SIN3A: variants seen among roughly 807,000 people sequenced by gnomAD.
SIN3A encodes SIN3 transcription regulator family member A, also known as paired amphipathic helix protein Sin3a.
SIN3A carries 14 observed loss-of-function variants against 146.1 expected under a neutral mutation model. The ratio of observed to expected loss-of-function variants is 0.10; its 90% CI spans 0.06 to 0.15. SIN3A has a LOEUF of 0.15. Among genes scored for constraint, SIN3A ranks in the 10% least tolerant of loss-of-function variants. The probability of loss-of-function intolerance (pLI) is 1.00; values close to 1 mark genes in which losing one functional copy is unlikely to be tolerated. For missense variants in SIN3A, 1,028 were observed against 1,576.0 expected, an observed-to-expected ratio of 0.65 and a Z score of 5.89; for synonymous variants, 572 against 572.0, an observed-to-expected ratio of 1.00 and a Z score of 0.00.
intron 8 of SIN3A, 103 bp downstream of exon 8, chr15:75,409,733 A>C: frequency 7.4e-7 from 1 of 1,346,246 alleles, no homozygotes. Flanking sequence ...TCTCAAAAAA[A>C]CAAAAAAAAA....
At chr15:75,377,175 CAT>C (rs2141372803) in intron 19 of SIN3A, among the ~76,000 whole-genome samples, 1 of 152,302 alleles carries the variant, frequency 6.6e-6, no homozygotes, top group East Asian at 1.9e-4. Flanking sequence ...CTGAGCTTTT[CAT>C]ACAGTTGTCA....
At chr15:75,436,124 ACT>A (rs1409306650) in intron 1 of SIN3A, among the ~76,000 whole-genome samples, 8 of 146,442 alleles carry the variant, frequency 5.5e-5, no homozygotes, top group Non-Finnish European at 1.0e-4. Context: ...ACAGAGTGAG[ACT>A]CTGTCTCAAA....
chr15:75,432,897 C>T (rs1275113550), intron 1 of SIN3A, among the ~76,000 whole-genome samples: 1 of 151,882 alleles, frequency 6.6e-6, no homozygotes, highest in Non-Finnish European at 1.5e-5. Context: ...ACAAAATTAG[C>T]TGGGCATGAT....
chr15:75,411,017 T>C (rs944677080), intron 6 of SIN3A, among the ~76,000 whole-genome samples: 2 of 141,760 alleles, frequency 1.4e-5, no homozygotes, highest in African/African-American at 5.3e-5. Context: ...TGCAGGGCAA[T>C]CAAGTCAGGC....
At chr15:75,393,388 C>T (rs1048496095) in intron 14 of SIN3A, among the ~76,000 whole-genome samples, 1 of 151,892 alleles carries the variant, frequency 6.6e-6, no homozygotes, top group Non-Finnish European at 1.5e-5. Flanking sequence ...ATCTTTCTTT[C>T]TTTTTTTTGG....
At chr15:75,405,706 G>A (rs1457582812) in intron 9 of SIN3A, among the ~76,000 whole-genome samples, 1 of 152,084 alleles carries the variant, frequency 6.6e-6, no homozygotes, top group Non-Finnish European at 1.5e-5. Context: ...AGCCAAGATT[G>A]CGCCATTGCA....
chr15:75,396,399 A>C lies in SIN3A; in HGVS notation c.1952T>G (p.Phe651Cys). The C allele has an allele frequency of 6.2e-7, 1 of 1,614,106 alleles. No individual in the cohort carries two copies. The highest frequency in any genetic ancestry group is 8.5e-7 in the Non-Finnish European group (1 of 1,180,012). Residue 651 changes from phenylalanine (F) to cysteine (C), a missense_variant, in exon 13 of 21, where the codon TTT becomes TGT. This residue lies in a region of SIN3A where 157 missense variants were observed against 284.8 expected (regional missense o/e 0.55). Transcript: ENST00000394947. ...SRLSAEEQAKFRLDNTLGGTS... is the reference protein window; with the variant it reads ...SRLSAEEQAKCRLDNTLGGTS... ...GCCCCCAAGGGTGTTGTCCAAGCGAAATTTGGCTTGTTCTTCAGCAGACAA... is the reference window on the plus strand; with the variant it reads ...GCCCCCAAGGGTGTTGTCCAAGCGACATTTGGCTTGTTCTTCAGCAGACAA...
At position 75,401,872 on chromosome 15, in the gene SIN3A, T is replaced by C. The variant is rs1470726546; in HGVS notation, c.1506A>G (p.Gln502=). 2 of 1,611,024 alleles carry C rather than the reference T, an allele frequency of 1.2e-6. No individual in the cohort carries two copies. Among genetic ancestry groups the C allele is most frequent in the South Asian group, 2.2e-5 (2 of 91,010 alleles). The part of the protein sequence containing the change: ...QEVISRAELV[Q]LVSPFLGKFP... ...CTTACCCCAGGAAAGGAGAGACTAG[T>C]TGCACAAGCTCAGCACGAGAGATCA... Residue 502 remains glutamine, a synonymous_variant, in exon 10 of 21, where the codon CAA becomes CAG. Coordinates refer to ENST00000394947, the MANE Select transcript of SIN3A (RefSeq NM_001145358.2).
intron 11 of SIN3A, among the ~76,000 whole-genome samples, chr15:75,400,382 C>T (rs2073388274): frequency 6.6e-6 from 1 of 152,128 alleles, no homozygotes; most frequent in Admixed American, 6.5e-5. Context: ...GGAAGATCAC[C>T]TGAGCCCAGG....
At chr15:75,454,505 G>A (rs1258954252), upstream of SIN3A, among the ~76,000 whole-genome samples, 2 of 151,194 alleles carry the variant, frequency 1.3e-5, no homozygotes, top group Non-Finnish European at 3.0e-5. Flanking sequence ...GACGGTTCCC[G>A]CCGGCGCCCC....
chr15:75,370,679 AT>A lies in SIN3A; in HGVS notation c.*1299del, dbSNP rs2072732523. 2.0e-5 allele frequency: 3 copies of A among 152,224 alleles called. No individual in the cohort carries two copies. The South Asian group carries it at 6.2e-4, about 31-fold the overall frequency. 9.4% of individuals were successfully genotyped at this position (152,224 alleles called of 1,614,324 possible). A position where few individuals can be genotyped will look rare whatever the true frequency, so the allele number is the denominator to read the frequency against. On this transcript the variant is annotated 3_prime_UTR_variant, in exon 21 of 21. Transcript: ENST00000394947. The stretch of plus-strand genomic sequence containing the variant: ...CCATCACCAATGTGAATAAGAAAAA[AT>A]ATATAGAAATACAAACTACATAGCT...
At chr15:75,423,571 G>A (rs1223850261) in intron 2 of SIN3A, among the ~76,000 whole-genome samples, 3 of 152,090 alleles carry the variant, frequency 2.0e-5, no homozygotes, top group Non-Finnish European at 2.9e-5. Context: ...CCAGCTACTC[G>A]GGAGGCTGAG....
chr15:75,449,719 TA>T (rs1411218500), intron 1 of SIN3A, among the ~76,000 whole-genome samples: 2 of 152,148 alleles, frequency 1.3e-5, no homozygotes, highest in Non-Finnish European at 2.9e-5. Context: ...GTACATAAAA[TA>T]AAAAAGAAAA....
chr15:75,427,379 A>C (rs1170513739), intron 2 of SIN3A, among the ~76,000 whole-genome samples: 1 of 150,090 alleles, frequency 6.7e-6, no homozygotes, highest in Non-Finnish European at 1.5e-5. Context: ...TCTCAAAAAA[A>C]TAAAATAAGG....
Position 75,372,118 on chromosome 15 carries a change from G to C in SIN3A, c.3683C>G (p.Ala1228Gly), listed in dbSNP as rs2072762099. The change falls in exon 21 of 21, where the codon GCA (alanine) becomes GGA (glycine). Residue 1228 changes from alanine (A) to glycine (G), a missense_variant. Ala to Gly is a moderately conservative substitution (Grantham distance 60). Around this residue, in one of 9 missense-constraint regions of SIN3A, gnomAD observed 488 missense variants for 690.2 expected, o/e 0.71. Transcript: ENST00000394947. ...TKEHVPREMA[A>G]ETSKWLMGEG... The stretch of plus-strand genomic sequence containing the variant: ...ACCCATGAGCCACTTGCTGGTCTCT[G>C]CTGCCATTTCACGGGGCACATGCTC... 6.2e-7 allele frequency: 1 copy of C among 1,614,072 alleles called. No homozygotes were observed. Among genetic ancestry groups the C allele is most frequent in the African/African-American group, 1.3e-5 (1 of 74,930 alleles).
At chr15:75,410,553 C>T (rs1595906872) in intron 6 of SIN3A, among the ~76,000 whole-genome samples, 1 of 151,932 alleles carries the variant, frequency 6.6e-6, no homozygotes, top group African/African-American at 2.4e-5. Context: ...GCACTTGTCT[C>T]GGCCTCCCAA....
At chr15:75,429,976 G>C in intron 2 of SIN3A, 1 of 520,260 alleles carries the variant, frequency 1.9e-6, no homozygotes, top group South Asian at 2.4e-5. Flanking sequence ...GAAAAGAAGG[G>C]AGCAGAGTGG....
At position 75,392,785 on chromosome 15, in the gene SIN3A, C is replaced by A. The variant is rs1213176093; in HGVS notation, c.2308G>T (p.Gly770Cys). 6.2e-7 allele frequency: 1 copy of A among 1,613,192 alleles called. No homozygotes were observed. The highest frequency in any genetic ancestry group is 2.2e-5 in the East Asian group (1 of 44,886). The change falls in exon 15 of 21, where the codon GGT becomes TGT. Residue 770 changes from glycine (G) to cysteine (C), a missense_variant. Physicochemically the swap from Gly to Cys is radical, Grantham distance 159. This residue lies in a region of SIN3A where 488 missense variants were observed against 690.2 expected (regional missense o/e 0.71). Coordinates refer to ENST00000394947, the MANE Select transcript of SIN3A (RefSeq NM_001145358.2). ...RQEQATEENA[G>C]VPVGPHLSLA... ...GAGAGGTGTGGGCCAACAGGTACAC[C>A]AGCATTCTCCTCCGTAGCCTGCTCT...
chr15:75,409,742 A>T, intron 8 of SIN3A, 94 bp downstream of exon 8: 2 of 1,416,126 alleles, frequency 1.4e-6, no homozygotes, highest in Non-Finnish European at 1.9e-6. Flanking sequence ...AACAAAAAAA[A>T]ACAACAACAA....
Sources: gnomAD v4.1 joint callset for allele counts (sites outside exome capture counted in the v4.1 genomes callset) on GRCh38, gnomAD v4.1.1 for gene constraint, gnomAD v4.1.1 regional missense constraint, MANE v1.5 for transcripts, NCBI Gene and HGNC (gene_info 2026-07-23, HGNC 2026-07-21) for gene names.